The following SIPA1L1 variants were observed in gnomAD, a reference collection of about 807,000 sequenced individuals.
SIPA1L1 encodes the protein signal-induced proliferation-associated 1-like protein 1.
A neutral mutation model predicts 162.7 loss-of-function variants in SIPA1L1; 26 were observed. The ratio of observed to expected loss-of-function variants is 0.16; its 90% CI spans 0.12 to 0.22. SIPA1L1 has a LOEUF of 0.22. Ranked by LOEUF, SIPA1L1 falls within the 10% of genes least tolerant of loss-of-function variation. The pLI is 1.00. For synonymous variants in SIPA1L1, 829 were observed against 837.4 expected, an observed-to-expected ratio of 0.99 and a Z score of 0.17; for missense variants, 1,874 against 2,241.0, an observed-to-expected ratio of 0.84 and a Z score of 3.31.
intron 23 of SIPA1L1, 106 bp downstream of exon 23, chr14:71,738,431 C>A: frequency 2.9e-6 from 2 of 697,100 alleles, no homozygotes. Flanking sequence ...GGTGTCTTCC[C>A]GGTGCCTGCA....
intron 22 of SIPA1L1, among the ~76,000 whole-genome samples, chr14:71,736,695 A>G (rs932571610): frequency 1.3e-5 from 2 of 152,212 alleles, no homozygotes; most frequent in Non-Finnish European, 2.9e-5. Context: ...CATATCCCAG[A>G]AGCAAGCCCC....
At chr14:71,437,002 G>A (rs977625392) in intron 2 of SIPA1L1, among the ~76,000 whole-genome samples, 1 of 152,000 alleles carries the variant, frequency 6.6e-6, no homozygotes, top group African/African-American at 2.4e-5. Context: ...TTGATCTCGT[G>A]ATCTGCCTGC....
At chr14:71,646,990 A>G (rs1161487586) in intron 7 of SIPA1L1, among the ~76,000 whole-genome samples, 1 of 152,100 alleles carries the variant, frequency 6.6e-6, no homozygotes, top group Non-Finnish European at 1.5e-5. Context: ...CTTCTCTTAG[A>G]ATGTTCCTGA....
intron 12 of SIPA1L1, among the ~76,000 whole-genome samples, chr14:71,677,125 T>G (rs1347496266): frequency 6.6e-6 from 1 of 152,232 alleles, no homozygotes; most frequent in Non-Finnish European, 1.5e-5. Flanking sequence ...CCACATCCTC[T>G]CCAGCAGCTG....
intron 2 of SIPA1L1, among the ~76,000 whole-genome samples, chr14:71,477,056 G>A (rs551806774): frequency 1.5e-4 from 23 of 152,066 alleles, no homozygotes; most frequent in African/African-American, 3.9e-4. Flanking sequence ...GGAGTTTGAG[G>A]CCAGCCTGGC....
intron 17 of SIPA1L1, among the ~76,000 whole-genome samples, chr14:71,719,767 C>T (rs1488595407): frequency 2.0e-5 from 3 of 152,228 alleles, no homozygotes; most frequent in Non-Finnish European, 1.5e-5. Context: ...GCTGGGATTA[C>T]AGACATGAGA....
intron 2 of SIPA1L1, among the ~76,000 whole-genome samples, chr14:71,342,945 C>T (rs186386556): frequency 3.9e-5 from 6 of 152,266 alleles, no homozygotes; most frequent in Non-Finnish European, 7.4e-5. Flanking sequence ...GTTAAACTTT[C>T]GTGGCCAAAG....
chr14:71,516,190 CT>C (rs2144640312), intron 3 of SIPA1L1, among the ~76,000 whole-genome samples: 1 of 152,300 alleles, frequency 6.6e-6, no homozygotes, highest in South Asian at 2.1e-4. Context: ...TCTAAGCATT[CT>C]GCTCATGTGA....
chr14:71,410,246 A>G (rs1417390158), intron 2 of SIPA1L1, among the ~76,000 whole-genome samples: 1 of 152,146 alleles, frequency 6.6e-6, no homozygotes, highest in Admixed American at 6.5e-5. Flanking sequence ...ATTTCATCAC[A>G]CTATGTCTAC....
intron 2 of SIPA1L1, among the ~76,000 whole-genome samples, chr14:71,365,981 C>T (rs1044495938): frequency 2.1e-4 from 32 of 151,582 alleles, no homozygotes; most frequent in Non-Finnish European, 2.8e-4. Context: ...CTGCCTCTGC[C>T]TTCCAAAGTG....
intron 14 of SIPA1L1, among the ~76,000 whole-genome samples, chr14:71,699,599 G>A (rs888494712): frequency 6.6e-6 from 1 of 152,190 alleles, no homozygotes; most frequent in Non-Finnish European, 1.5e-5. Flanking sequence ...TCCAAAGAGA[G>A]GGCCCCGGTA....
chr14:71,699,208 T>A (rs2081899129), intron 14 of SIPA1L1, 81 bp downstream of exon 14: 1 of 1,325,464 alleles, frequency 7.5e-7, no homozygotes, highest in Non-Finnish European at 1.1e-6. Context: ...TAAAATGACT[T>A]CCATTCAGCC....
At chr14:71,571,506 A>C (rs940366052) in intron 4 of SIPA1L1, among the ~76,000 whole-genome samples, 5 of 152,236 alleles carry the variant, frequency 3.3e-5, no homozygotes, top group Non-Finnish European at 5.9e-5. Flanking sequence ...AACATAAAAA[A>C]AACTGGAATC....
At chr14:71,544,006 T>C (rs1436172345) in intron 4 of SIPA1L1, among the ~76,000 whole-genome samples, 1 of 148,664 alleles carries the variant, frequency 6.7e-6, no homozygotes, top group Admixed American at 6.7e-5. Context: ...CACACGCACA[T>C]GTATATATAC....
chr14:71,543,931 A>T (rs768286978), intron 4 of SIPA1L1, among the ~76,000 whole-genome samples: 1 of 137,852 alleles, frequency 7.3e-6, no homozygotes, highest in Non-Finnish European at 1.6e-5. Flanking sequence ...TCATACGTAT[A>T]TGTGTGTATA....
chr14:71,678,602 T>C (rs538844944), intron 12 of SIPA1L1, among the ~76,000 whole-genome samples: 210 of 152,260 alleles, frequency 1.4e-3, no homozygotes, highest in Non-Finnish European at 2.5e-3. Flanking sequence ...CTAAAATTCT[T>C]CTTTTTTGTT....
At chr14:71,331,897 A>G (rs1314741926) in intron 2 of SIPA1L1, among the ~76,000 whole-genome samples, 1 of 152,246 alleles carries the variant, frequency 6.6e-6, no homozygotes, top group Non-Finnish European at 1.5e-5. Context: ...GCTGGGTTGT[A>G]CAGGATGAAT....
chr14:71,363,726 T>G (rs1245423275), intron 2 of SIPA1L1, among the ~76,000 whole-genome samples: 3 of 152,202 alleles, frequency 2.0e-5, no homozygotes, highest in African/African-American at 7.2e-5. Context: ...ATAGCAGATT[T>G]TATTTCCTAA....
intron 4 of SIPA1L1, among the ~76,000 whole-genome samples, chr14:71,543,564 T>C (rs1199095890): frequency 6.6e-6 from 1 of 152,188 alleles, no homozygotes; most frequent in African/African-American, 2.4e-5. Context: ...TATTATCAGT[T>C]TTTAAATGAA....
Sources: gnomAD v4.1 joint callset for allele counts (sites outside exome capture counted in the v4.1 genomes callset) on GRCh38, gnomAD v4.1.1 for gene constraint, MANE v1.5 for transcripts, NCBI Gene and HGNC (gene_info 2026-07-23, HGNC 2026-07-21) for gene names.